ACSS3: variants seen among roughly 807,000 people sequenced by gnomAD.
The protein encoded by ACSS3 is acyl-CoA synthetase short-chain family member 3, mitochondrial.
In ACSS3, 64 loss-of-function variants were observed where a neutral mutation model predicts 84.2. The observed-to-expected ratio is 0.76, with a 90% CI of 0.62 to 0.94. ACSS3 has a LOEUF of 0.94. ACSS3 is among the 40% of genes least tolerant of loss of function. The probability of loss-of-function intolerance (pLI) is 0.00; values close to 1 mark genes in which losing one functional copy is unlikely to be tolerated. For missense variants in ACSS3, 815 were observed against 867.6 expected (o/e 0.94, Z 0.76); for synonymous variants, 317 against 310.1 (o/e 1.02, Z -0.23).
chr12:81,161,610 T>C (rs932011013), intron 7 of ACSS3, among the ~76,000 whole-genome samples: 7 of 152,208 alleles, frequency 4.6e-5, no homozygotes, highest in Non-Finnish European at 8.8e-5. Flanking sequence ...ATAACCCTAA[T>C]GTCACAGGAC....
At chr12:81,144,077 G>T (rs902692663) in intron 5 of ACSS3, among the ~76,000 whole-genome samples, 4 of 152,108 alleles carry the variant, frequency 2.6e-5, no homozygotes, top group African/African-American at 9.7e-5. Flanking sequence ...CTTTATTACT[G>T]TTAGATTGCT....
Position 81,234,068 on chromosome 12 carries a change from T to A in ACSS3, c.1719+597T>A, listed in dbSNP as rs865966321. Among the ~76,000 whole-genome samples the A allele has an allele frequency of 9.2e-5, 14 of 151,670 alleles. 1 individual carries two copies. The Middle Eastern group carries it at 0.02, about 221-fold the overall frequency. ...CCATCATAATGTCACCTGTCTATTC[T>A]GACTCTGGTACCCCTTATTTTTTTC... is the stretch of plus-strand genomic sequence containing the variant. On this transcript the variant is annotated intron_variant, in intron 13 of 15. Transcript: ENST00000548058.
At chr12:81,212,746 T>C (rs2135930539) in intron 9 of ACSS3, among the ~76,000 whole-genome samples, 1 of 152,300 alleles carries the variant, frequency 6.6e-6, no homozygotes, top group African/African-American at 2.4e-5. Flanking sequence ...AGTCAGAAAT[T>C]TTAAAGTAAA....
chr12:81,176,181 C>T (rs1166674050), intron 8 of ACSS3, among the ~76,000 whole-genome samples: 1 of 152,082 alleles, frequency 6.6e-6, no homozygotes, highest in East Asian at 1.9e-4. Flanking sequence ...ATTGATTCAA[C>T]AGAAATGTAA....
chr12:81,200,932 A>G (rs2135900894), intron 9 of ACSS3, among the ~76,000 whole-genome samples: 1 of 151,900 alleles, frequency 6.6e-6, no homozygotes, highest in African/African-American at 2.4e-5. Context: ...AAAGAAAAAA[A>G]TGTTTTTTAC....
intron 2 of ACSS3, among the ~76,000 whole-genome samples, chr12:81,117,584 A>G (rs2121526132): frequency 6.6e-6 from 1 of 152,236 alleles, no homozygotes; most frequent in Middle Eastern, 3.4e-3. Flanking sequence ...ATGAGAAGAG[A>G]ATGGTAGAAA....
intron 5 of ACSS3, among the ~76,000 whole-genome samples, chr12:81,149,896 C>T (rs988754703): frequency 1.3e-5 from 2 of 152,020 alleles, no homozygotes; most frequent in Non-Finnish European, 2.9e-5. Flanking sequence ...ACTTTTAATG[C>T]TTTTTCACGC....
In ACSS3 at chr12:81,254,909, T is replaced by A. The variant is rs2034256807; in HGVS notation, c.2048T>A (p.Leu683Gln). 1 of 1,605,832 alleles carries A rather than the reference T, an allele frequency of 6.2e-7. No homozygotes were observed. The highest frequency in any genetic ancestry group is 2.3e-5 in the East Asian group (1 of 44,420). ...PSIFGHVEEMLKQA is the reference protein window; with the variant it reads ...PSIFGHVEEMQKQA ...ATTTTTGGCCACGTAGAAGAAATGCTGAAGCAAGCATAATGAGTTTGTCTT... is the reference window on the plus strand; with the variant it reads ...ATTTTTGGCCACGTAGAAGAAATGCAGAAGCAAGCATAATGAGTTTGTCTT... The change falls in exon 16 of 16, where the codon CTG becomes CAG. Residue 683 changes from leucine (L) to glutamine (Q), a missense_variant. By Grantham distance (113) the Leu-to-Gln change is moderately radical. Transcript: ENST00000548058.
chr12:81,259,453 TA>T lies in ACSS3; in HGVS notation c.*4532del, dbSNP rs1256266543. 1.5e-6 allele frequency: 1 copy of T among 666,938 alleles called. No homozygotes were observed. Among genetic ancestry groups the T allele is most frequent in the Admixed American group, 2.5e-5 (1 of 40,608 alleles). 41.3% of individuals were successfully genotyped at this position (666,938 alleles called of 1,614,324 possible). ...CAGAGTTTATGATGTAGATGATGTT[TA>T]TTATTCAAATGACTTAAGCATTTTA... On this transcript the variant is annotated 3_prime_UTR_variant, in exon 16 of 16. Transcript: ENST00000548058.
chr12:81,186,795 AT>A (rs1031227234), intron 8 of ACSS3, among the ~76,000 whole-genome samples: 1 of 151,826 alleles, frequency 6.6e-6, no homozygotes, highest in African/African-American at 2.4e-5. Flanking sequence ...AGAAAACAGT[AT>A]GGAGGTTTCT....
chr12:81,147,267 T>C (rs1886385710), intron 5 of ACSS3, among the ~76,000 whole-genome samples: 1 of 152,228 alleles, frequency 6.6e-6, no homozygotes, highest in East Asian at 1.9e-4. Flanking sequence ...AGATTCAAGA[T>C]TCACTAAGTT....
At position 81,106,545 on chromosome 12, in the gene ACSS3, C is replaced by T. The variant is rs573120278; in HGVS notation, c.312-3015C>T. Among the ~76,000 whole-genome samples the T allele has an allele frequency of 7.8e-4, 119 of 152,256 alleles. 1 individual carries two copies. The highest frequency in any genetic ancestry group is 6.5e-4 in the Non-Finnish European group (44 of 68,020). ...ACCATACCCTTCCCCCACCCCAGTT[C>T]GGTGAAAACATTGTCTTTCATGAAA... On this transcript the variant is annotated intron_variant, in intron 1 of 15. Transcript: ENST00000548058.
rs1886054309 is a variant in ACSS3, at chr12:81,140,757, GTTTAGAGGAATGGCAGGAACACAC to G, written c.780+1493_780+1516del. ...ATATAGAAGGCTTTGGGTAAGAACA[GTTTAGAGGAATGGCAGGAACACAC>G]ACACAATGTATGCATATGTGAGTAT... On this transcript the variant is annotated intron_variant, in intron 4 of 15. Coordinates refer to ENST00000548058, the MANE Select transcript of ACSS3 (RefSeq NM_024560.4). Among the ~76,000 whole-genome samples, 3 of 152,280 alleles carry G rather than the reference GTTTAGAGGAATGGCAGGAACACAC, an allele frequency of 2.0e-5. No homozygotes were observed. In the South Asian group the frequency reaches 6.2e-4, roughly 32 times the overall value.
At chr12:81,176,749 G>C (rs1335570933) in intron 8 of ACSS3, among the ~76,000 whole-genome samples, 1 of 152,008 alleles carries the variant, frequency 6.6e-6, no homozygotes, top group African/African-American at 2.4e-5. Flanking sequence ...ATAAAGAAGA[G>C]CTGGTACCAA....
intron 3 of ACSS3, among the ~76,000 whole-genome samples, chr12:81,136,154 G>A (rs1054338172): frequency 3.9e-5 from 6 of 152,120 alleles, no homozygotes; most frequent in Non-Finnish European, 8.8e-5. Context: ...TGAGTCTGTT[G>A]TGAAATATCA....
chr12:81,213,845 C>CTCTT (rs1565723859), intron 9 of ACSS3, among the ~76,000 whole-genome samples: 4 of 20,490 alleles, frequency 2.0e-4, no homozygotes, highest in African/African-American at 4.8e-4. Context: ...TCTCTTCTCT[C>CTCTT]CTCTCCTCTC....
intron 1 of ACSS3, among the ~76,000 whole-genome samples, chr12:81,088,695 C>T (rs1238558316): frequency 6.6e-6 from 1 of 151,990 alleles, no homozygotes; most frequent in Non-Finnish European, 1.5e-5. Context: ...TCAACCCAGG[C>T]TGGCTGAATT....
At chr12:81,180,089 T>C (rs1043839903) in intron 8 of ACSS3, among the ~76,000 whole-genome samples, 32 of 152,156 alleles carry the variant, frequency 2.1e-4, no homozygotes, top group African/African-American at 7.5e-4. Context: ...GCAATATGGA[T>C]AGAGGTGTAG....
At chr12:81,121,615 C>A (rs1884610942) in intron 2 of ACSS3, among the ~76,000 whole-genome samples, 1 of 151,884 alleles carries the variant, frequency 6.6e-6, no homozygotes, top group South Asian at 2.1e-4. Context: ...AAGAACAAAC[C>A]CACAAAGCTA....
Sources: gnomAD v4.1 joint callset for allele counts (sites outside exome capture counted in the v4.1 genomes callset) on GRCh38, gnomAD v4.1.1 for gene constraint, MANE v1.5 for transcripts, NCBI Gene and HGNC (gene_info 2026-07-23, HGNC 2026-07-21) for gene names.